The following CLSTN2 variants were observed in gnomAD, a reference collection of about 807,000 sequenced individuals.
The protein encoded by CLSTN2 is calsyntenin-2.
A neutral mutation model predicts 101.2 loss-of-function variants in CLSTN2; 48 were observed. The ratio of observed to expected loss-of-function variants is 0.47; its 90% CI spans 0.38 to 0.60. The LOEUF (loss-of-function observed/expected upper bound fraction) is 0.60. CLSTN2 is among the 20% of genes least tolerant of loss of function. The probability of loss-of-function intolerance (pLI) is 0.00; values close to 1 mark genes in which losing one functional copy is unlikely to be tolerated. For missense variants in CLSTN2, 1,160 were observed against 1,238.2 expected (o/e 0.94, Z 0.95); for synonymous variants, 481 against 463.6 (o/e 1.04, Z -0.48).
intron 2 of CLSTN2, among the ~76,000 whole-genome samples, chr3:140,360,263 G>A (rs917459703): frequency 6.6e-6 from 1 of 152,158 alleles, no homozygotes; most frequent in Non-Finnish European, 1.5e-5. Context: ...AGATGTGATT[G>A]AGGGTGGCCT....
At chr3:140,360,909 C>G (rs1333957603) in intron 2 of CLSTN2, among the ~76,000 whole-genome samples, 3 of 152,168 alleles carry the variant, frequency 2.0e-5, no homozygotes, top group African/African-American at 7.2e-5. Flanking sequence ...GATGACTTCA[C>G]TGGTGAATTT....
chr3:140,127,307 T>G (rs2009451624), intron 1 of CLSTN2, among the ~76,000 whole-genome samples: 2 of 152,118 alleles, frequency 1.3e-5, no homozygotes, highest in African/African-American at 4.8e-5. Flanking sequence ...TAGATAGCAA[T>G]AATAACACTC....
At chr3:140,303,490 A>G (rs539255038) in intron 2 of CLSTN2, among the ~76,000 whole-genome samples, 2 of 152,276 alleles carry the variant, frequency 1.3e-5, no homozygotes, top group East Asian at 3.9e-4. Context: ...GAGAAATAAT[A>G]TCTAAATAAT....
chr3:140,563,838 T>C, intron 15 of CLSTN2, 123 bp from the exon 16 acceptor site: 1 of 914,790 alleles, frequency 1.1e-6, no homozygotes, highest in South Asian at 1.5e-5. Context: ...TGCTCTAGAG[T>C]TCTACAGCTG....
intron 2 of CLSTN2, among the ~76,000 whole-genome samples, chr3:140,364,548 T>C (rs542551002): frequency 3.3e-5 from 5 of 152,196 alleles, no homozygotes; most frequent in Admixed American, 1.3e-4. Flanking sequence ...AGGGTACCTA[T>C]GTCCAGGGCG....
intron 1 of CLSTN2, among the ~76,000 whole-genome samples, chr3:140,130,136 G>A (rs1037670365): frequency 1.3e-5 from 2 of 152,174 alleles, no homozygotes; most frequent in African/African-American, 4.8e-5. Flanking sequence ...TTGGAGGAGG[G>A]CTGGGGGCAG....
chr3:140,025,874 A>C (rs1353516720), intron 1 of CLSTN2, among the ~76,000 whole-genome samples: 1 of 152,156 alleles, frequency 6.6e-6, no homozygotes, highest in Non-Finnish European at 1.5e-5. Flanking sequence ...CCATGTAATG[A>C]AATGATGTGG....
intron 1 of CLSTN2, among the ~76,000 whole-genome samples, chr3:140,143,351 G>T (rs1287501848): frequency 2.0e-5 from 3 of 152,124 alleles, no homozygotes; most frequent in African/African-American, 7.2e-5. Context: ...TGAGAACGAG[G>T]GGTCCGGGGT....
At chr3:140,038,236 A>T (rs184519004) in intron 1 of CLSTN2, among the ~76,000 whole-genome samples, 12 of 152,174 alleles carry the variant, frequency 7.9e-5, no homozygotes, top group Admixed American at 2.0e-4. Flanking sequence ...AATAATCACC[A>T]TTCTGACTGG....
chr3:139,962,319 T>C (rs1451043385), intron 1 of CLSTN2, among the ~76,000 whole-genome samples: 2 of 152,190 alleles, frequency 1.3e-5, no homozygotes, highest in Admixed American at 6.5e-5. Flanking sequence ...AAGTATATGA[T>C]CTGATAACTT....
chr3:140,006,814 T>C (rs1396786107), intron 1 of CLSTN2, among the ~76,000 whole-genome samples: 3 of 152,174 alleles, frequency 2.0e-5, no homozygotes, highest in Non-Finnish European at 4.4e-5. Flanking sequence ...TGGTACTCAG[T>C]AAATAGTAGC....
chr3:140,167,307 C>T (rs1296408587), intron 1 of CLSTN2, among the ~76,000 whole-genome samples: 1 of 152,212 alleles, frequency 6.6e-6, no homozygotes, highest in Non-Finnish European at 1.5e-5. Context: ...TTTGCCCATC[C>T]ACGTTCTTCT....
intron 2 of CLSTN2, among the ~76,000 whole-genome samples, chr3:140,358,229 G>A (rs77141265): frequency 0.071 from 10,777 of 152,102 alleles, 528 homozygotes; most frequent in African/African-American, 0.14. Context: ...CTGTCCTTGG[G>A]AAAACTTTCT....
At chr3:140,008,292 T>C (rs1008167506) in intron 1 of CLSTN2, among the ~76,000 whole-genome samples, 1 of 152,256 alleles carries the variant, frequency 6.6e-6, no homozygotes, top group African/African-American at 2.4e-5. Flanking sequence ...TGTGTGACCA[T>C]GCTTCTGGCA....
At chr3:140,139,978 T>C (rs1035147031) in intron 1 of CLSTN2, among the ~76,000 whole-genome samples, 58 of 152,220 alleles carry the variant, frequency 3.8e-4, no homozygotes, top group African/African-American at 1.4e-3. Flanking sequence ...TGGCATGTAC[T>C]TAGAGCCTAC....
Position 140,345,993 on chromosome 3 carries a change from A to G in CLSTN2, c.233-57636A>G, listed in dbSNP as rs189218715. Among the ~76,000 whole-genome samples, 184 of 152,328 alleles carry G rather than the reference A, an allele frequency of 1.2e-3. 3 individuals are homozygous for G. Among genetic ancestry groups the G allele is most frequent in the Admixed American group, 9.5e-3 (145 of 15,300 alleles). ...TCGTCTCAGCTTACTGCAACCATGCATGGCTTCCCATGCTGGGTCTCCATC... is the reference window on the plus strand; with the variant it reads ...TCGTCTCAGCTTACTGCAACCATGCGTGGCTTCCCATGCTGGGTCTCCATC... On this transcript the variant is annotated intron_variant, in intron 2 of 16. Coordinates refer to ENST00000458420, the MANE Select transcript of CLSTN2 (RefSeq NM_022131.3).
intron 2 of CLSTN2, among the ~76,000 whole-genome samples, chr3:140,243,381 A>G (rs1303281065): frequency 6.6e-6 from 1 of 152,246 alleles, no homozygotes; most frequent in African/African-American, 2.4e-5. Flanking sequence ...CCTCCCCATA[A>G]GTAGATCTTT....
chr3:139,954,626 T>C (rs931690136), intron 1 of CLSTN2, among the ~76,000 whole-genome samples: 1 of 152,182 alleles, frequency 6.6e-6, no homozygotes, highest in Non-Finnish European at 1.5e-5. Context: ...ATCTGGCACC[T>C]CTGATCACAG....
intron 2 of CLSTN2, among the ~76,000 whole-genome samples, chr3:140,298,652 G>A (rs1014860174): frequency 2.0e-5 from 3 of 152,206 alleles, no homozygotes; most frequent in Middle Eastern, 3.2e-3. Context: ...GACTCATTCA[G>A]TTGTTCATTC....
Sources: allele counts gnomAD v4.1 joint callset (sites outside exome capture counted in the v4.1 genomes callset), GRCh38; gene constraint gnomAD v4.1.1; transcripts MANE v1.5; gene names NCBI Gene and HGNC (gene_info 2026-07-23, HGNC 2026-07-21).